Variants in SLC35F1 observed in about 807,000 individuals in gnomAD.
SLC35F1 encodes the protein chromosome 6 open reading frame 169.
Under a neutral mutation model 48.7 loss-of-function variants are expected in SLC35F1, and 14 were observed. That is an observed-to-expected ratio of 0.29 (90% CI 0.19 to 0.45). SLC35F1 has a LOEUF of 0.45. SLC35F1 is among the 20% of genes least tolerant of loss of function. The pLI is 1.00. For synonymous variants in SLC35F1, 190 were observed against 202.2 expected (o/e 0.94, Z 0.51); for missense variants, 404 against 500.0 (o/e 0.81, Z 1.83).
At chr6:118,302,604 C>T (rs1249641965) in intron 7 of SLC35F1, among the ~76,000 whole-genome samples, 1 of 152,060 alleles carries the variant, frequency 6.6e-6, no homozygotes, top group African/African-American at 2.4e-5. Flanking sequence ...TAGGGGACAC[C>T]TCTAGATTTT....
chr6:117,940,357 T>C (rs1776214733), intron 1 of SLC35F1, among the ~76,000 whole-genome samples: 1 of 152,208 alleles, frequency 6.6e-6, no homozygotes, highest in South Asian at 2.1e-4. Context: ...ATTTAATCTA[T>C]ACTAGGACTG....
intron 1 of SLC35F1, among the ~76,000 whole-genome samples, chr6:118,009,679 T>A (rs1777220142): frequency 6.6e-6 from 1 of 152,142 alleles, no homozygotes; most frequent in African/African-American, 2.4e-5. Context: ...CACCCTCTAT[T>A]CTTTTGTCTT....
At chr6:117,944,588 CACAT>C (rs756834912) in intron 1 of SLC35F1, among the ~76,000 whole-genome samples, 7,917 of 139,100 alleles carry the variant, frequency 0.057, 235 homozygotes, top group Middle Eastern at 0.14. Flanking sequence ...CACACACATA[CACAT>C]ACACACACAC....
rs778659612 is a variant in SLC35F1 at position 118,066,740 on chromosome 6, CT to C, written c.174-87685del. 3.6e-3 allele frequency among the ~76,000 whole-genome samples: 451 copies of C among 125,134 alleles called. 2 individuals carry two copies. The highest frequency in any genetic ancestry group is 0.01 in the South Asian group (39 of 3,842). The allele number at this position is 125,134 out of a possible 152,430, so 82.1% of individuals were successfully genotyped here. Reference sequence around the variant, plus strand: ...TGATAGCTTATCTAAGGCAGTAGTTCTTTTTTTTTTTTTTTTTTTTCTTGAG... The same window carrying C: ...TGATAGCTTATCTAAGGCAGTAGTTCTTTTTTTTTTTTTTTTTTTCTTGAG... On this transcript the variant is annotated intron_variant, in intron 1 of 7. Transcript: ENST00000360388.
intron 6 of SLC35F1, among the ~76,000 whole-genome samples, chr6:118,278,905 G>A (rs77205610): frequency 0.043 from 6,480 of 152,258 alleles, 211 homozygotes; most frequent in Non-Finnish European, 0.065. Context: ...ATCCACTGAG[G>A]TTCTGTTATA....
intron 1 of SLC35F1, among the ~76,000 whole-genome samples, chr6:118,053,831 A>G (rs916816942): frequency 3.9e-5 from 6 of 152,266 alleles, no homozygotes; most frequent in Non-Finnish European, 5.9e-5. Context: ...TTTAGGATGA[A>G]TTTTATAATT....
At chr6:118,043,756 A>G (rs1772261286) in intron 1 of SLC35F1, among the ~76,000 whole-genome samples, 1 of 152,194 alleles carries the variant, frequency 6.6e-6, no homozygotes, top group Admixed American at 6.5e-5. Context: ...GCACTTTTAG[A>G]AAATTTACCT....
intron 7 of SLC35F1, among the ~76,000 whole-genome samples, chr6:118,307,171 C>T (rs1582781350): frequency 6.6e-6 from 1 of 152,264 alleles, no homozygotes; most frequent in South Asian, 2.1e-4. Flanking sequence ...TTTTCTGATA[C>T]GAATACAGAA....
Position 118,316,596 on chromosome 6 carries a change from G to A in SLC35F1, c.*2344G>A, listed in dbSNP as rs533192914. On this transcript the variant is annotated 3_prime_UTR_variant, in exon 8 of 8. Transcript: ENST00000360388. ...GACACTTAGTAAAGTCTTATGAGAA[G>A]CAAGTGGATGAAATTATCTCCAAGT... 7.9e-5 allele frequency: 12 copies of A among 152,712 alleles called. No individual in the cohort carries two copies. In the East Asian group the frequency reaches 2.1e-3, roughly 27 times the overall value. The allele number at this position is 152,712 out of a possible 1,614,324, so 9.5% of individuals were successfully genotyped here. A position where few individuals can be genotyped will look rare whatever the true frequency, so the allele number is the denominator to read the frequency against.
chr6:118,290,137 T>G (rs955733148), intron 7 of SLC35F1, among the ~76,000 whole-genome samples: 1 of 152,328 alleles, frequency 6.6e-6, no homozygotes, highest in Middle Eastern at 3.4e-3. Flanking sequence ...TCAGGTGTTA[T>G]CTCTTTTTGG....
At chr6:118,238,895 C>T (rs1010372534) in intron 3 of SLC35F1, among the ~76,000 whole-genome samples, 5 of 152,036 alleles carry the variant, frequency 3.3e-5, no homozygotes, top group African/African-American at 1.2e-4. Flanking sequence ...TTTGAGTGAA[C>T]AGTACCCACT....
chr6:118,123,953 TCAGTCCTATACA>T (rs1329238333), intron 1 of SLC35F1, among the ~76,000 whole-genome samples: 1 of 152,128 alleles, frequency 6.6e-6, no homozygotes, highest in African/African-American at 2.4e-5. Flanking sequence ...AGTAAAATGG[TCAGTCCTATACA>T]CAGCAAATTG....
intron 1 of SLC35F1, among the ~76,000 whole-genome samples, chr6:117,917,411 A>ACATACCTACTAGAT (rs1463815091): frequency 5.3e-5 from 8 of 151,836 alleles, no homozygotes; most frequent in African/African-American, 1.9e-4. Flanking sequence ...CGGGAGAAGT[A>ACATACCTACTAGAT]CATACCTACT....
At chr6:118,064,927 G>A (rs747162426) in intron 1 of SLC35F1, among the ~76,000 whole-genome samples, 1 of 152,080 alleles carries the variant, frequency 6.6e-6, no homozygotes, top group African/African-American at 2.4e-5. Flanking sequence ...GGAAACCAAT[G>A]CAAGGTTACA....
intron 1 of SLC35F1, among the ~76,000 whole-genome samples, chr6:117,962,064 T>C (rs1294513857): frequency 6.6e-6 from 1 of 152,240 alleles, no homozygotes; most frequent in Non-Finnish European, 1.5e-5. Context: ...AACATTTAGA[T>C]GTTTAGTAAC....
At chr6:117,998,026 A>T (rs1237279578) in intron 1 of SLC35F1, among the ~76,000 whole-genome samples, 1 of 148,816 alleles carries the variant, frequency 6.7e-6, no homozygotes, top group Non-Finnish European at 1.5e-5. Context: ...TATTCAGGAA[A>T]CCCATCTCAC....
chr6:118,184,660 T>A (rs749125123), intron 2 of SLC35F1, among the ~76,000 whole-genome samples: 1 of 152,142 alleles, frequency 6.6e-6, no homozygotes, highest in African/African-American at 2.4e-5. Flanking sequence ...CACACAAAAA[T>A]AAGTCTTCTG....
intron 7 of SLC35F1, among the ~76,000 whole-genome samples, chr6:118,291,254 C>T (rs754809607): frequency 0.036 from 4,549 of 127,350 alleles, 103 homozygotes; most frequent in Middle Eastern, 0.08. Context: ...CACACACACA[C>T]ACACACACAC....
At chr6:118,147,596 C>T (rs1773993965) in intron 1 of SLC35F1, among the ~76,000 whole-genome samples, 1 of 152,158 alleles carries the variant, frequency 6.6e-6, no homozygotes, top group Non-Finnish European at 1.5e-5. Flanking sequence ...TATGCGCAAT[C>T]ACGGAGCTTA....
Sources: allele counts gnomAD v4.1 joint callset (sites outside exome capture counted in the v4.1 genomes callset), GRCh38; gene constraint gnomAD v4.1.1; transcripts MANE v1.5; gene names NCBI Gene and HGNC (gene_info 2026-07-23, HGNC 2026-07-21).